FBXL17: variants seen among roughly 807,000 people sequenced by gnomAD.
FBXL17 encodes the protein F-box and leucine rich repeat protein 17.
Under a neutral mutation model 66.2 loss-of-function variants are expected in FBXL17, and 22 were observed. The observed-to-expected ratio is 0.33, with a 90% CI of 0.24 to 0.47. The LOEUF is 0.47. FBXL17 is among the 20% of genes least tolerant of loss of function. The pLI, the probability that FBXL17 is intolerant of heterozygous loss-of-function variation, is 1.00. For synonymous variants in FBXL17, 474 were observed against 400.5 expected (o/e 1.18, Z -2.19); for missense variants, 878 against 948.2 (o/e 0.93, Z 0.97).
intron 6 of FBXL17, among the ~76,000 whole-genome samples, chr5:108,168,299 G>T (rs1752483665): frequency 6.6e-6 from 1 of 152,068 alleles, no homozygotes; most frequent in African/African-American, 2.4e-5. Context: ...AAAAAGAGAG[G>T]GGAAGGGGAA....
At chr5:108,354,766 G>A (rs957975319) in intron 3 of FBXL17, among the ~76,000 whole-genome samples, 2 of 146,526 alleles carry the variant, frequency 1.4e-5, no homozygotes, top group East Asian at 2.0e-4. Context: ...AATCTAGAAA[G>A]AAGCCACAGG....
At chr5:108,125,265 T>G (rs1474889141) in intron 6 of FBXL17, among the ~76,000 whole-genome samples, 1 of 152,100 alleles carries the variant, frequency 6.6e-6, no homozygotes, top group Non-Finnish European at 1.5e-5. Context: ...AAATATTTCA[T>G]GTACCCCATA....
intron 5 of FBXL17, among the ~76,000 whole-genome samples, chr5:108,213,363 T>C (rs1366225778): frequency 1.3e-5 from 2 of 152,178 alleles, no homozygotes; most frequent in South Asian, 2.1e-4. Flanking sequence ...CTCCTGCAGT[T>C]AGTTCGGTGT....
intron 4 of FBXL17, among the ~76,000 whole-genome samples, chr5:108,263,232 C>A (rs1366959191): frequency 6.6e-6 from 1 of 152,006 alleles, no homozygotes; most frequent in Non-Finnish European, 1.5e-5. Context: ...ACAAAAGAGA[C>A]TACTATCAAC....
chr5:108,108,770 C>CTCACACT (rs1374320117), intron 6 of FBXL17, among the ~76,000 whole-genome samples: 1 of 150,374 alleles, frequency 6.7e-6, no homozygotes. Context: ...GGCCAAAAGA[C>CTCACACT]TCACACTTTG....
intron 7 of FBXL17, among the ~76,000 whole-genome samples, chr5:107,930,586 T>G (rs1229791024): frequency 2.6e-5 from 4 of 152,236 alleles, no homozygotes; most frequent in African/African-American, 9.6e-5. Flanking sequence ...TGATTATGTG[T>G]GCTCATTTTA....
intron 8 of FBXL17, among the ~76,000 whole-genome samples, chr5:107,868,316 G>A (rs1204122592): frequency 6.6e-6 from 1 of 152,204 alleles, no homozygotes; most frequent in East Asian, 1.9e-4. Context: ...GAACATAAAA[G>A]AGATTGCAGT....
intron 7 of FBXL17, among the ~76,000 whole-genome samples, chr5:107,956,920 A>G (rs1053503879): frequency 1.3e-5 from 2 of 152,296 alleles, no homozygotes; most frequent in South Asian, 2.1e-4. Context: ...CAAAATAAAG[A>G]CAAATTTTTG....
chr5:108,302,051 A>C, intron 4 of FBXL17: 3 of 984,736 alleles, frequency 3.0e-6, no homozygotes, highest in Non-Finnish European at 3.6e-6. Flanking sequence ...CCAACCCATC[A>C]TATGTCTTTC....
At chr5:107,868,446 T>C (rs186220975) in intron 8 of FBXL17, among the ~76,000 whole-genome samples, 46 of 152,344 alleles carry the variant, frequency 3.0e-4, no homozygotes, top group Admixed American at 5.9e-4. Flanking sequence ...GTGGGTTGCA[T>C]GAGACTTTGA....
chr5:108,338,276 CCTT>C (rs1433606053), intron 4 of FBXL17, among the ~76,000 whole-genome samples: 1 of 151,796 alleles, frequency 6.6e-6, no homozygotes, highest in Non-Finnish European at 1.5e-5. Context: ...TAAATATATG[CCTT>C]CTTCTTTATA....
At chr5:108,011,574 C>T (rs1319977527) in intron 7 of FBXL17, among the ~76,000 whole-genome samples, 2 of 152,022 alleles carry the variant, frequency 1.3e-5, no homozygotes, top group African/African-American at 2.4e-5. Context: ...GAGGCCAAGG[C>T]GTACAGGTCA....
chr5:108,331,951 A>G (rs557547528), intron 4 of FBXL17, among the ~76,000 whole-genome samples: 1 of 152,358 alleles, frequency 6.6e-6, no homozygotes, highest in Non-Finnish European at 1.5e-5. Flanking sequence ...ATGTGAAAAT[A>G]TAGTAGAGAA....
At chr5:107,975,857 G>A (rs1240322011) in intron 7 of FBXL17, among the ~76,000 whole-genome samples, 1 of 79,918 alleles carries the variant, frequency 1.3e-5, no homozygotes, top group Admixed American at 1.1e-4. Context: ...TGTTGTTGTT[G>A]TTTTTTTTTT....
intron 6 of FBXL17, among the ~76,000 whole-genome samples, chr5:108,064,172 T>C (rs1748029691): frequency 6.6e-6 from 1 of 152,180 alleles, no homozygotes; most frequent in Non-Finnish European, 1.5e-5. Context: ...TTAATATATA[T>C]TGCAGGCACA....
chr5:108,067,202 G>A (rs1238663694), intron 6 of FBXL17, among the ~76,000 whole-genome samples: 2 of 152,016 alleles, frequency 1.3e-5, no homozygotes, highest in African/African-American at 4.8e-5. Context: ...AACAATATGG[G>A]CTTTGTTAAT....
intron 7 of FBXL17, among the ~76,000 whole-genome samples, chr5:107,924,543 C>T (rs892007): frequency 0.65 from 99,072 of 152,042 alleles, 32,850 homozygotes; most frequent in Middle Eastern, 0.72. Context: ...AGTACTAATC[C>T]TCTATAAAAC....
Position 107,894,526 on chromosome 5 carries a change from T to C in FBXL17, c.1823-13347A>G, listed in dbSNP as rs1749309343. 3.3e-5 allele frequency among the ~76,000 whole-genome samples: 5 copies of C among 152,260 alleles called. No homozygotes were observed. The South Asian group carries it at 1.0e-3, about 32-fold the overall frequency. ...GCAGTTTGGGGCATATGATGCAAGA[T>C]TCCCTGCCTTCTTCAGGCCGGGGGT... On this transcript the variant is annotated intron_variant, in intron 7 of 8. Coordinates refer to ENST00000542267, the MANE Select transcript of FBXL17 (RefSeq NM_001163315.3).
intron 3 of FBXL17, among the ~76,000 whole-genome samples, 155 bp from the exon 4 acceptor site, chr5:108,348,685 A>G (rs1747439527): frequency 1.3e-5 from 2 of 152,236 alleles, no homozygotes; most frequent in Non-Finnish European, 1.5e-5. Flanking sequence ...TCCATAACTT[A>G]AAACAGTACT....
Sources: allele counts gnomAD v4.1 joint callset (sites outside exome capture counted in the v4.1 genomes callset), GRCh38; gene constraint gnomAD v4.1.1; transcripts MANE v1.5; gene names NCBI Gene and HGNC (gene_info 2026-07-23, HGNC 2026-07-21).